BCAS1: variants seen among roughly 807,000 people sequenced by gnomAD.
BCAS1 encodes the protein brain enriched myelin associated protein 1, also known as breast carcinoma-amplified sequence 1.
Under a neutral mutation model 65.4 loss-of-function variants are expected in BCAS1, and 46 were observed. The ratio of observed to expected loss-of-function variants is 0.70; its 90% CI spans 0.55 to 0.90. The LOEUF is 0.90. Ranked by LOEUF, BCAS1 falls within the 40% of genes least tolerant of loss-of-function variation. BCAS1 has a pLI of 0.00. For missense variants in BCAS1, 793 were observed against 771.2 expected, an observed-to-expected ratio of 1.03 and a Z score of -0.33; for synonymous variants, 298 against 293.5, an observed-to-expected ratio of 1.02 and a Z score of -0.16.
intron 8 of BCAS1, among the ~76,000 whole-genome samples, chr20:53,977,776 T>C (rs1160399826): frequency 6.6e-6 from 1 of 152,260 alleles, no homozygotes; most frequent in Non-Finnish European, 1.5e-5. Context: ...TGCTATTTTA[T>C]ATTTTTAAAG....
chr20:53,999,582 CT>C (rs1306232964), intron 4 of BCAS1, among the ~76,000 whole-genome samples: 2 of 152,082 alleles, frequency 1.3e-5, no homozygotes, highest in Non-Finnish European at 1.5e-5. Flanking sequence ...TATTTTCCCC[CT>C]GGGTCACTCT....
At chr20:54,045,066 G>A (rs1246994563) in intron 3 of BCAS1, among the ~76,000 whole-genome samples, 1 of 151,850 alleles carries the variant, frequency 6.6e-6, no homozygotes, top group Non-Finnish European at 1.5e-5. Flanking sequence ...TAAAAAATTA[G>A]CCAGGTGTGG....
Position 54,059,514 on chromosome 20 carries a change from C to A in BCAS1, c.-5-791G>T, listed in dbSNP as rs550815030. Among the ~76,000 whole-genome samples, 15 of 150,366 alleles carry A rather than the reference C, an allele frequency of 1.0e-4. No individual in the cohort carries two copies. In the South Asian group the frequency reaches 1.1e-3, roughly 11 times the overall value. On this transcript the variant is annotated intron_variant, in intron 1 of 12. Transcript: ENST00000688948. ...GCCTTTTTTTTTTCATAGCATTTAG[C>A]AGGGCTTGTAATTATATACTTACTT...
intron 4 of BCAS1, among the ~76,000 whole-genome samples, chr20:54,026,017 T>G (rs1014636556): frequency 2.0e-5 from 3 of 152,220 alleles, no homozygotes; most frequent in Admixed American, 6.5e-5. Context: ...TTTCTGTGTT[T>G]CTCATGTACA....
intron 1 of BCAS1, among the ~76,000 whole-genome samples, chr20:54,066,377 A>G (rs148062602): frequency 7.6e-4 from 115 of 152,274 alleles, no homozygotes; most frequent in African/African-American, 2.7e-3. Context: ...CGGCCGAGGC[A>G]GGTATTTTTA....
intron 1 of BCAS1, among the ~76,000 whole-genome samples, chr20:54,065,632 T>C (rs1172631737): frequency 2.0e-5 from 3 of 152,248 alleles, no homozygotes; most frequent in African/African-American, 7.2e-5. Context: ...CTTGGGGATG[T>C]TCTCCTCGTG....
At chr20:54,014,717 T>A (rs1269587790) in intron 4 of BCAS1, among the ~76,000 whole-genome samples, 2 of 152,174 alleles carry the variant, frequency 1.3e-5, no homozygotes, top group East Asian at 3.9e-4. Context: ...CTGTCAGAAA[T>A]TTGAGCCCCA....
Position 54,028,923 on chromosome 20 carries a change from G to C in BCAS1, c.192C>G (p.Pro64=), listed in dbSNP as rs776645542. 2 of 1,613,850 alleles carry C rather than the reference G, an allele frequency of 1.2e-6. No individual in the cohort carries two copies. The highest frequency in any genetic ancestry group is 1.1e-5 in the South Asian group (1 of 91,066). Residue 64 remains proline, a synonymous_variant, in exon 4 of 13, where the codon CCC becomes CCG. Transcript: ENST00000688948. ...CAACAGCACTTATCTCCGTTGTCTCGGGGGAAGAAGTGGCCACATTATCCG... is the reference window on the plus strand; with the variant it reads ...CAACAGCACTTATCTCCGTTGTCTCCGGGGAAGAAGTGGCCACATTATCCG... The part of the protein sequence containing the change: ...VKTDNVATSS[P]ETTEISAVAD...
chr20:53,977,993 C>T (rs1442172071), intron 8 of BCAS1, among the ~76,000 whole-genome samples: 2 of 151,466 alleles, frequency 1.3e-5, no homozygotes, highest in Non-Finnish European at 2.9e-5. Flanking sequence ...CACCCACTAA[C>T]TCGTCATCTA....
At chr20:54,007,833 C>T (rs979273649) in intron 4 of BCAS1, among the ~76,000 whole-genome samples, 3 of 152,152 alleles carry the variant, frequency 2.0e-5, no homozygotes, top group Non-Finnish European at 2.9e-5. Context: ...ATGAAGAACC[C>T]TGGACATTAT....
At position 54,027,813 on chromosome 20, in the gene BCAS1, A is replaced by C. The variant is rs572717105; in HGVS notation, c.723+579T>G. 1.8e-3 allele frequency among the ~76,000 whole-genome samples: 265 copies of C among 151,198 alleles called. 1 individual carries two copies. Among genetic ancestry groups the C allele is most frequent in the African/African-American group, 5.3e-3 (216 of 41,006 alleles). On this transcript the variant is annotated intron_variant, in intron 4 of 12. Coordinates refer to ENST00000688948, the MANE Select transcript of BCAS1 (RefSeq NM_001366298.2). Reference sequence around the variant, plus strand: ...AAACCCCCCAAAAAACAAAAAAAAAACCCAAAACCCCTAGTTTTTACAAAG... The same window carrying C: ...AAACCCCCCAAAAAACAAAAAAAAACCCCAAAACCCCTAGTTTTTACAAAG...
At chr20:54,026,241 G>A (rs2091670159) in intron 4 of BCAS1, among the ~76,000 whole-genome samples, 1 of 152,132 alleles carries the variant, frequency 6.6e-6, no homozygotes, top group African/African-American at 2.4e-5. Flanking sequence ...TTAGATACCT[G>A]CCATGTTCCT....
chr20:54,028,794 G>A lies in BCAS1; in HGVS notation c.321C>T (p.Thr107=), dbSNP rs369178055. The A allele has an allele frequency of 2.5e-5, 40 of 1,614,016 alleles. No individual in the cohort carries two copies. The Admixed American group carries it at 3.3e-4, about 13-fold the overall frequency. ...LMLSRPVPGR[T]GDQAADSSLG... ...GGGATGAATCTGCGGCTTGGTCTCC[G>A]GTACGTCCTGGTACAGGCCGAGAGA... is the stretch of plus-strand genomic sequence containing the variant. The change falls in exon 4 of 13, where the codon ACC becomes ACT. Residue 107 remains threonine, a synonymous_variant. Coordinates refer to ENST00000688948, the MANE Select transcript of BCAS1 (RefSeq NM_001366298.2).
rs1001879103 is a variant in BCAS1 at position 53,985,306 on chromosome 20, C to T, written c.1256G>A (p.Gly419Asp). The T allele has an allele frequency of 1.2e-6, 2 of 1,613,396 alleles. No homozygotes were observed. The highest frequency in any genetic ancestry group is 1.7e-6 in the Non-Finnish European group (2 of 1,179,936). The part of the protein sequence containing the change: ...EKSGPTSLPL[G>D]KLFWKKSVKE... ...ACTTACCTTTTTCCAAAACAGTTTG[C>T]CCAGAGGCAGAGAGGTGGGTCCTGA... Residue 419 changes from glycine to aspartate, a missense_variant, in exon 8 of 13, where the codon GGC (glycine) becomes GAC (aspartate). Coordinates refer to ENST00000688948, the MANE Select transcript of BCAS1 (RefSeq NM_001366298.2).
intron 3 of BCAS1, among the ~76,000 whole-genome samples, chr20:54,038,765 G>A (rs1381984): frequency 0.19 from 28,791 of 151,170 alleles, 3,529 homozygotes; most frequent in East Asian, 0.32. Context: ...AAGCAACACC[G>A]TCCTATGCAT....
chr20:53,953,414 C>CA lies in BCAS1; in HGVS notation c.1815+17dup, dbSNP rs760061984. On this transcript the variant is annotated intron_variant, in intron 12 of 12. Coordinates refer to ENST00000688948, the MANE Select transcript of BCAS1 (RefSeq NM_001366298.2). ...AAGGAGAGAGCCCAGAAAGAAGAGGCAAAAAAAATCCACCTACCAGGCCTT... is the reference window on the plus strand; with the variant it reads ...AAGGAGAGAGCCCAGAAAGAAGAGGCAAAAAAAAATCCACCTACCAGGCCTT... 165 of 1,611,048 alleles carry CA rather than the reference C, an allele frequency of 1.0e-4. No individual in the cohort carries two copies. The highest frequency in any genetic ancestry group is 1.4e-4 in the South Asian group (13 of 90,914).
At chr20:53,990,353 C>T (rs1156675242) in intron 7 of BCAS1, among the ~76,000 whole-genome samples, 3 of 152,062 alleles carry the variant, frequency 2.0e-5, no homozygotes, top group Admixed American at 6.6e-5. Flanking sequence ...TGCCATTAGG[C>T]CGAGAAAAAT....
chr20:54,058,038 C>A (rs772949391), intron 3 of BCAS1, 47 bp downstream of exon 3: 4 of 1,407,752 alleles, frequency 2.8e-6, no homozygotes, highest in South Asian at 2.3e-5. Context: ...TCTGCAGACC[C>A]CCCTTCCCCA....
At chr20:53,951,428 A>G (rs568500322) in intron 12 of BCAS1, among the ~76,000 whole-genome samples, 4 of 152,292 alleles carry the variant, frequency 2.6e-5, no homozygotes, top group African/African-American at 9.6e-5. Context: ...CCGAGATTGC[A>G]CCATTGCACT....
Sources: allele counts gnomAD v4.1 joint callset (sites outside exome capture counted in the v4.1 genomes callset), GRCh38; gene constraint gnomAD v4.1.1; transcripts MANE v1.5; gene names NCBI Gene and HGNC (gene_info 2026-07-23, HGNC 2026-07-21).